Variants in TMPRSS15 observed in about 807,000 individuals in gnomAD.
TMPRSS15 encodes the protein transmembrane serine protease 15.
A neutral mutation model predicts 125.3 loss-of-function variants in TMPRSS15; 128 were observed. The observed-to-expected ratio is 1.02, with a 90% CI of 0.89 to 1.18. The LOEUF is 1.18. Ranked by LOEUF, TMPRSS15 falls within the 50% of genes most tolerant of loss-of-function variation. The probability of loss-of-function intolerance (pLI) is 0.00; values close to 1 mark genes in which losing one functional copy is unlikely to be tolerated. For synonymous variants in TMPRSS15, 446 were observed against 423.2 expected (o/e 1.05, Z -0.66); for missense variants, 1,283 against 1,212.7 (o/e 1.06, Z -0.86).
Position 18,378,402 on chromosome 21 carries a change from C to A in TMPRSS15, c.532+881G>T, listed in dbSNP as rs376247424. ...GAAAGGCTTATTCTATCATAACAGA[C>A]CTTTGTGGGTTTTAGAATTGTGATG... On this transcript the variant is annotated intron_variant, in intron 5 of 24. Coordinates refer to ENST00000284885, the MANE Select transcript of TMPRSS15 (RefSeq NM_002772.3). Among the ~76,000 whole-genome samples, 100 of 152,106 alleles carry A rather than the reference C, an allele frequency of 6.6e-4. 4 individuals carry two copies. In the South Asian group the frequency reaches 0.013, roughly 20 times the overall value.
At chr21:18,272,665 C>T (rs1275376247) in intron 24 of TMPRSS15, among the ~76,000 whole-genome samples, 1 of 152,034 alleles carries the variant, frequency 6.6e-6, no homozygotes, top group Admixed American at 6.6e-5. Flanking sequence ...GTGGAGGTTG[C>T]AGTGAGTGGA....
intron 1 of TMPRSS15, among the ~76,000 whole-genome samples, chr21:18,416,246 T>C (rs534907432): frequency 6.6e-6 from 1 of 152,030 alleles, no homozygotes; most frequent in Non-Finnish European, 1.5e-5. Context: ...TGAAATGCTA[T>C]ATTCATCAAA....
chr21:18,350,544 G>A (rs2075556981), intron 10 of TMPRSS15, among the ~76,000 whole-genome samples: 1 of 152,026 alleles, frequency 6.6e-6, no homozygotes, highest in African/African-American at 2.4e-5. Flanking sequence ...GATCAGTCAT[G>A]TTCCCTCTGC....
intron 1 of TMPRSS15, chr21:18,485,726 GT>G (rs1474436626): frequency 1.3e-5 from 2 of 153,794 alleles, no homozygotes; most frequent in Admixed American, 1.4e-4. Flanking sequence ...GTGTTAGTCT[GT>G]TCTCACACTG....
Position 18,275,313 on chromosome 21 carries a change from C to A in TMPRSS15, c.2788G>T (p.Glu930Ter). 6.2e-7 allele frequency: 1 copy of A among 1,614,052 alleles called. No individual in the cohort carries two copies. The highest frequency in any genetic ancestry group is 8.5e-7 in the Non-Finnish European group (1 of 1,180,004). Residue 930 changes from glutamate to a stop codon, truncating the protein, a stop_gained, in exon 24 of 25, where the codon GAA becomes TAA. Transcript: ENST00000284885. LOFTEE classifies it high-confidence loss of function. ...YQGTTANILQ[E>*]ADVPLLSNER... The stretch of plus-strand genomic sequence containing the variant: ...TTTGATAGAAGAGGAACATCAGCTT[C>A]TTGCAATATGTTTGCAGTAGTACCT...
upstream of TMPRSS15, among the ~76,000 whole-genome samples, chr21:18,405,933 G>C (rs73196475): frequency 0.025 from 3,755 of 152,076 alleles, 87 homozygotes; most frequent in Non-Finnish European, 0.032. Context: ...TTAAAACAAA[G>C]TGTATCTAAA....
chr21:18,484,453 G>A (rs1231002452), intron 1 of TMPRSS15, among the ~76,000 whole-genome samples: 2 of 151,672 alleles, frequency 1.3e-5, no homozygotes, highest in South Asian at 2.1e-4. Flanking sequence ...TCCTTTTCAA[G>A]TATCCACATT....
At chr21:18,405,583 TA>T (rs540585033), upstream of TMPRSS15, among the ~76,000 whole-genome samples, 460 of 152,280 alleles carry the variant, frequency 3.0e-3, 1 homozygote, top group African/African-American at 0.011. Context: ...TAAGTGCCCA[TA>T]AGTGTGATTT....
chr21:18,350,885 T>C (rs1293389739), intron 10 of TMPRSS15, among the ~76,000 whole-genome samples: 3 of 152,014 alleles, frequency 2.0e-5, no homozygotes, highest in Non-Finnish European at 2.9e-5. Context: ...TGGAGCTCAA[T>C]AAATGCTTCT....
Position 18,352,884 on chromosome 21 carries a change from T to G in TMPRSS15, c.1171+19A>C. 1 of 1,610,884 alleles carries G rather than the reference T, an allele frequency of 6.2e-7. No individual in the cohort carries two copies. On this transcript the variant is annotated intron_variant, in intron 10 of 24. Coordinates refer to ENST00000284885, the MANE Select transcript of TMPRSS15 (RefSeq NM_002772.3). ...TATGAATTAAAATCCTTTTGACTTC[T>G]GAATTAAATGAATTATACCTGAAGC...
At chr21:18,445,973 G>C (rs1005393636) in intron 1 of TMPRSS15, among the ~76,000 whole-genome samples, 6 of 152,156 alleles carry the variant, frequency 3.9e-5, no homozygotes, top group Admixed American at 3.9e-4. Context: ...TCAGGCAAGA[G>C]AAAGAAATAA....
At chr21:18,407,584 C>A (rs1215829504), upstream of TMPRSS15, among the ~76,000 whole-genome samples, 1 of 151,504 alleles carries the variant, frequency 6.6e-6, no homozygotes. Flanking sequence ...GTATATGGGG[C>A]TAAAGGTGTG....
chr21:18,413,377 C>T (rs1387996894), intron 1 of TMPRSS15, among the ~76,000 whole-genome samples: 1 of 134,864 alleles, frequency 7.4e-6, no homozygotes, highest in African/African-American at 2.8e-5. Context: ...TCCTTCCTTC[C>T]TTTCTTTCTA....
intron 1 of TMPRSS15, among the ~76,000 whole-genome samples, chr21:18,436,956 C>T (rs1167963183): frequency 1.5e-5 from 2 of 129,216 alleles, no homozygotes; most frequent in Non-Finnish European, 3.3e-5. Context: ...ACTTTCTTCA[C>T]AGAATTGGAA....
chr21:18,305,900 A>T (rs759339653), intron 18 of TMPRSS15, among the ~76,000 whole-genome samples: 25 of 152,190 alleles, frequency 1.6e-4, no homozygotes, highest in Middle Eastern at 3.2e-3. Context: ...CTTCAAGTAA[A>T]TGATGGACTT....
chr21:18,348,765 A>G (rs538607927), intron 10 of TMPRSS15, among the ~76,000 whole-genome samples: 2 of 152,334 alleles, frequency 1.3e-5, no homozygotes, highest in South Asian at 2.1e-4. Context: ...CCTCCCCAAC[A>G]TATGACTTAG....
At chr21:18,412,582 T>G (rs1569063862) in intron 1 of TMPRSS15, among the ~76,000 whole-genome samples, 2 of 152,214 alleles carry the variant, frequency 1.3e-5, no homozygotes, top group Non-Finnish European at 1.5e-5. Flanking sequence ...TCGTACTAGG[T>G]AAATACATAG....
chr21:18,378,631 A>G (rs1206284146), intron 5 of TMPRSS15, among the ~76,000 whole-genome samples: 1 of 152,120 alleles, frequency 6.6e-6, no homozygotes, highest in Non-Finnish European at 1.5e-5. Context: ...CTGACTGAAG[A>G]TCTACAATAT....
intron 1 of TMPRSS15, among the ~76,000 whole-genome samples, chr21:18,478,448 C>T (rs1355033744): frequency 6.6e-6 from 1 of 151,880 alleles, no homozygotes; most frequent in Non-Finnish European, 1.5e-5. Context: ...TTCTGTTGTA[C>T]CCCTCTTCCA....
Sources: allele counts gnomAD v4.1 joint callset (sites outside exome capture counted in the v4.1 genomes callset), GRCh38; gene constraint gnomAD v4.1.1; transcripts MANE v1.5; gene names NCBI Gene and HGNC (gene_info 2026-07-23, HGNC 2026-07-21).